SYT6: variants seen among roughly 807,000 people sequenced by gnomAD.
SYT6 encodes synaptotagmin-6.
A neutral mutation model predicts 38.4 loss-of-function variants in SYT6; 24 were observed. The observed-to-expected ratio is 0.62, with a 90% CI of 0.45 to 0.88. The LOEUF (loss-of-function observed/expected upper bound fraction) is 0.88. Among genes scored for constraint, SYT6 ranks in the 40% least tolerant of loss-of-function variants. The pLI is 0.00. For synonymous variants in SYT6, 265 were observed against 241.9 expected (o/e 1.10, Z -0.89); for missense variants, 611 against 621.0 (o/e 0.98, Z 0.17).
In SYT6 at chr1:114,098,878, G is replaced by A. The variant is rs1299840030; in HGVS notation, c.1364+216C>T. Among the ~76,000 whole-genome samples, 9 of 152,226 alleles carry A rather than the reference G, an allele frequency of 5.9e-5. No homozygotes were observed. The East Asian group carries it at 7.7e-4, about 13-fold the overall frequency. On this transcript the variant is annotated intron_variant, in intron 5 of 7. Transcript: ENST00000610222. ...ACTGATGGACAGAGCTGCCCCTGAC[G>A]GAGATAGGCCAGTTGGGAAAAGAAC...
At chr1:114,138,151 C>A (rs1678623239) in intron 2 of SYT6, 98 bp from the exon 3 acceptor site, 2 of 1,207,154 alleles carry the variant, frequency 1.7e-6, no homozygotes, top group Middle Eastern at 2.5e-4. Flanking sequence ...CTCATCTTAT[C>A]CCTTGTTGAG....
intron 3 of SYT6, among the ~76,000 whole-genome samples, chr1:114,104,017 G>A (rs923953104): frequency 1.4e-4 from 21 of 152,020 alleles, no homozygotes; most frequent in African/African-American, 4.6e-4. Context: ...ATCTCCATGC[G>A]CCCCTTGGCT....
intron 3 of SYT6, among the ~76,000 whole-genome samples, chr1:114,133,092 C>T (rs1342540521): frequency 6.6e-6 from 1 of 152,102 alleles, no homozygotes; most frequent in African/African-American, 2.4e-5. Context: ...TGGAACACTT[C>T]ATCACCCCTA....
In SYT6 at chr1:114,093,763, T is replaced by C. The variant is rs374412272; in HGVS notation, c.*23A>G. 256 of 1,613,962 alleles carry C rather than the reference T, an allele frequency of 1.6e-4. No individual in the cohort carries two copies. Among genetic ancestry groups the C allele is most frequent in the Non-Finnish European group, 2.1e-4 (249 of 1,180,006 alleles). On this transcript the variant is annotated 3_prime_UTR_variant, in exon 7 of 8. Coordinates refer to ENST00000610222, the MANE Select transcript of SYT6 (RefSeq NM_001253772.2). ...TAACTCCAGGTGGCAGTCTCTCTGCTTGCAGCATCCACGTGAATGAAATCA... is the reference window on the plus strand; with the variant it reads ...TAACTCCAGGTGGCAGTCTCTCTGCCTGCAGCATCCACGTGAATGAAATCA...
intron 3 of SYT6, among the ~76,000 whole-genome samples, chr1:114,131,985 C>T (rs1423974747): frequency 6.6e-6 from 1 of 152,230 alleles, no homozygotes; most frequent in Non-Finnish European, 1.5e-5. Flanking sequence ...TGTAACCATG[C>T]TTCCCTCTGG....
intron 4 of SYT6, among the ~76,000 whole-genome samples, chr1:114,100,627 C>T (rs1445804574): frequency 1.3e-5 from 2 of 152,206 alleles, no homozygotes; most frequent in Non-Finnish European, 2.9e-5. Context: ...GGTGTTTAAT[C>T]AACCTGCTGT....
intron 1 of SYT6, among the ~76,000 whole-genome samples, chr1:114,153,195 C>A (rs1275561819): frequency 6.6e-6 from 1 of 152,216 alleles, no homozygotes; most frequent in Non-Finnish European, 1.5e-5. Context: ...ACCCGGGGAC[C>A]TCGACACTCG....
chr1:114,153,394 G>A (rs879827081), intron 1 of SYT6, among the ~76,000 whole-genome samples: 192 of 152,236 alleles, frequency 1.3e-3, no homozygotes, highest in Non-Finnish European at 9.3e-4. Context: ...TAATACAGGA[G>A]GGCCGGGGGC....
intron 3 of SYT6, among the ~76,000 whole-genome samples, chr1:114,113,215 A>G (rs1178707979): frequency 6.6e-6 from 1 of 152,210 alleles, no homozygotes; most frequent in Non-Finnish European, 1.5e-5. Flanking sequence ...AGCCTTTCAC[A>G]GAGTTGACTG....
Position 114,093,758 on chromosome 1 carries a change from T to C in SYT6, c.*28A>G. On this transcript the variant is annotated 3_prime_UTR_variant, in exon 7 of 8. Coordinates refer to ENST00000610222, the MANE Select transcript of SYT6 (RefSeq NM_001253772.2). The stretch of plus-strand genomic sequence containing the variant: ...ACTCCTAACTCCAGGTGGCAGTCTC[T>C]CTGCTTGCAGCATCCACGTGAATGA... 1 of 1,614,010 alleles carries C rather than the reference T, an allele frequency of 6.2e-7. No homozygotes were observed. The highest frequency in any genetic ancestry group is 8.5e-7 in the Non-Finnish European group (1 of 1,179,964).
At position 114,138,549 on chromosome 1, in the gene SYT6, T is replaced by G. The variant is rs74112955; in HGVS notation, c.513-496A>C. The stretch of plus-strand genomic sequence containing the variant: ...GGCTTTGGAGTTAGCCTGCATAGGT[T>G]AATTTTGGCTCTGTCACTTTCTAGC... On this transcript the variant is annotated intron_variant, in intron 2 of 7. Transcript: ENST00000610222. 9.2e-3 allele frequency among the ~76,000 whole-genome samples: 1,398 copies of G among 152,342 alleles called. 26 individuals carry two copies. The highest frequency in any genetic ancestry group is 0.031 in the African/African-American group (1,305 of 41,582).
At chr1:114,128,997 T>C (rs1421266203) in intron 3 of SYT6, among the ~76,000 whole-genome samples, 1 of 152,242 alleles carries the variant, frequency 6.6e-6, no homozygotes, top group African/African-American at 2.4e-5. Context: ...TCCAGCTTCC[T>C]ATGTAGCATC....
intron 1 of SYT6, among the ~76,000 whole-genome samples, chr1:114,145,213 A>C (rs1679096889): frequency 6.6e-6 from 1 of 152,232 alleles, no homozygotes; most frequent in Non-Finnish European, 1.5e-5. Flanking sequence ...GATAGGAATA[A>C]TAGCATGTTA....
intron 3 of SYT6, among the ~76,000 whole-genome samples, chr1:114,106,338 G>T (rs988056891): frequency 1.3e-5 from 2 of 151,942 alleles, no homozygotes; most frequent in African/African-American, 4.8e-5. Flanking sequence ...CCTCAGCCCT[G>T]CGAGGTAGGT....
intron 3 of SYT6, among the ~76,000 whole-genome samples, chr1:114,118,014 G>A (rs192255959): frequency 2.6e-5 from 4 of 152,304 alleles, no homozygotes; most frequent in African/African-American, 4.8e-5. Context: ...GCCTCTGGCC[G>A]CTAGTGGGTT....
rs1678552919 is a variant in SYT6 at position 114,137,521 on chromosome 1, A to C, written c.1045T>G (p.Trp349Gly). The C allele has an allele frequency of 6.2e-7, 1 of 1,613,944 alleles. No individual in the cohort carries two copies. Among genetic ancestry groups the C allele is most frequent in the African/African-American group, 1.3e-5 (1 of 75,060 alleles). ...ASDLSRETSIWKDIQYATSES... is the reference protein window; with the variant it reads ...ASDLSRETSIGKDIQYATSES... ...CTTGTGGCATATTGGATATCCTTCC[A>C]GATGGAGGTTTCCCGAGACAGGTCA... Residue 349 changes from tryptophan to glycine, a missense_variant, in exon 3 of 8, where the codon TGG becomes GGG. By Grantham distance (184) the Trp-to-Gly change is radical. Transcript: ENST00000610222.
chr1:114,153,646 G>A lies in SYT6; in HGVS notation c.127C>T (p.Gln43Ter). The A allele has an allele frequency of 3.1e-6, 2 of 650,494 alleles. No individual in the cohort carries two copies. The highest frequency in any genetic ancestry group is 3.0e-5 in the East Asian group (1 of 32,822). 40.3% of individuals were successfully genotyped at this position (650,494 alleles called of 1,614,324 possible). A position where few individuals can be genotyped will look rare whatever the true frequency, so the allele number is the denominator to read the frequency against. The change falls in exon 1 of 8, where the codon CAG (glutamine) becomes TAG (stop). Residue 43 changes from glutamine (Q) to a stop codon, truncating the protein, a stop_gained. Coordinates refer to ENST00000610222, the MANE Select transcript of SYT6 (RefSeq NM_001253772.2). LOFTEE classifies it high-confidence loss of function. ...GCGCTGGGACTCCGCTCTGGGGGCT[G>A]CAGCTCGAAGCTCCGACAAGTCTCC... ...DVETCRSFEL[Q>*]PPERSPSAAG...
intron 1 of SYT6, among the ~76,000 whole-genome samples, chr1:114,151,318 C>T (rs1679427292): frequency 6.6e-6 from 1 of 152,148 alleles, no homozygotes; most frequent in Admixed American, 6.5e-5. Flanking sequence ...TGTGACTCAG[C>T]AGCCAAAGTT....
At chr1:114,139,485 G>GA (rs1678719848) in intron 2 of SYT6, 130 bp downstream of exon 2, 2 of 1,400,880 alleles carry the variant, frequency 1.4e-6, no homozygotes, top group Non-Finnish European at 1.9e-6. Flanking sequence ...CACATCATCT[G>GA]ACATATTTGT....
Sources: allele counts gnomAD v4.1 joint callset (sites outside exome capture counted in the v4.1 genomes callset), GRCh38; gene constraint gnomAD v4.1.1; transcripts MANE v1.5; gene names NCBI Gene and HGNC (gene_info 2026-07-23, HGNC 2026-07-21).